The following PMP2 variants were observed in gnomAD, a reference collection of about 807,000 sequenced individuals.
PMP2 encodes the protein myelin P2 protein.
A neutral mutation model predicts 15.9 loss-of-function variants in PMP2; 11 were observed. The observed-to-expected ratio is 0.69, with a 90% confidence interval of 0.44 to 1.14. PMP2 has a LOEUF of 1.14. Ranked by LOEUF, PMP2 falls within the 50% of genes most tolerant of loss-of-function variation. The pLI is 0.00. For missense variants in PMP2, 151 were observed against 154.0 expected (o/e 0.98, Z 0.10); for synonymous variants, 55 against 54.1 (o/e 1.02, Z -0.07).
intron 1 of PMP2, among the ~76,000 whole-genome samples, chr8:81,445,651 G>A (rs1807437060): frequency 6.6e-6 from 1 of 152,138 alleles, no homozygotes; most frequent in Non-Finnish European, 1.5e-5. Flanking sequence ...AATCATTCTA[G>A]AGATTTTAGT....
At chr8:81,444,458 A>G (rs775133521) in intron 3 of PMP2, 42 bp downstream of exon 3, 4 of 1,163,222 alleles carry the variant, frequency 3.4e-6, no homozygotes, top group South Asian at 2.7e-5. Context: ...CAAATTATTT[A>G]TATAGCATTA....
chr8:81,442,695 C>T lies in PMP2; in HGVS notation c.*703G>A, dbSNP rs190229243. ...ATGATAGAAACCAAACCACTACTTG[C>T]TTTTGGTAGGGGTGGAACAGAAAAG... is the stretch of plus-strand genomic sequence containing the variant. On this transcript the variant is annotated 3_prime_UTR_variant, in exon 4 of 4. Coordinates refer to ENST00000256103, the MANE Select transcript of PMP2 (RefSeq NM_002677.5). 6.6e-6 allele frequency: 1 copy of T among 152,068 alleles called. No homozygotes were observed. Among genetic ancestry groups the T allele is most frequent in the African/African-American group, 2.4e-5 (1 of 41,500 alleles). The allele number at this position is 152,068 out of a possible 1,614,324, so 9.4% of individuals were successfully genotyped here.
chr8:81,446,446 T>C (rs914370093), intron 1 of PMP2, among the ~76,000 whole-genome samples: 2 of 152,166 alleles, frequency 1.3e-5, no homozygotes, highest in African/African-American at 4.8e-5. Context: ...CTTTGCTCAT[T>C]TTATCTAAAA....
intron 1 of PMP2, among the ~76,000 whole-genome samples, chr8:81,445,526 G>A (rs372698033): frequency 3.3e-5 from 5 of 152,264 alleles, no homozygotes; most frequent in Non-Finnish European, 1.5e-5. Context: ...CCCGGCCAAT[G>A]TCTGCAGATT....
intron 3 of PMP2, 136 bp from the exon 4 acceptor site, chr8:81,443,584 A>G (rs552471130): frequency 3.5e-5 from 18 of 521,658 alleles, no homozygotes; most frequent in Admixed American, 1.4e-4. Context: ...GTCAGTCTCC[A>G]GTAATTCAGA....
rs536869958 is a variant in PMP2, at chr8:81,441,369, C to T, written c.*2029G>A. 6.6e-6 allele frequency: 1 copy of T among 152,166 alleles called. No individual in the cohort carries two copies. The highest frequency in any genetic ancestry group is 1.9e-4 in the East Asian group (1 of 5,182). The allele number at this position is 152,166 out of a possible 1,614,324, so 9.4% of individuals were successfully genotyped here. ...ATATCCTGCTCCTAAGCGAAATTTC[C>T]CCCTAGCTTTAGCATTGATTGATAA... On this transcript the variant is annotated 3_prime_UTR_variant, in exon 4 of 4. Coordinates refer to ENST00000256103, the MANE Select transcript of PMP2 (RefSeq NM_002677.5).
At chr8:81,445,751 ATG>A (rs1454101144) in intron 1 of PMP2, among the ~76,000 whole-genome samples, 1 of 152,224 alleles carries the variant, frequency 6.6e-6, no homozygotes, top group African/African-American at 2.4e-5. Flanking sequence ...ATACCATATT[ATG>A]GATATAGAGA....
intron 1 of PMP2, among the ~76,000 whole-genome samples, chr8:81,445,513 G>A (rs572637821): frequency 1.1e-3 from 168 of 152,258 alleles, no homozygotes; most frequent in Non-Finnish European, 1.7e-3. Context: ...GTGAGCCACC[G>A]CGCCCGGCCA....
Position 81,442,681 on chromosome 8 carries a change from C to A in PMP2, c.*717G>T, listed in dbSNP as rs1239687595. 6.6e-6 allele frequency: 1 copy of A among 151,976 alleles called. No individual in the cohort carries two copies. Among genetic ancestry groups the A allele is most frequent in the Non-Finnish European group, 1.5e-5 (1 of 67,932 alleles). 9.4% of individuals were successfully genotyped at this position (151,976 alleles called of 1,614,324 possible). A position where few individuals can be genotyped will look rare whatever the true frequency, so the allele number is the denominator to read the frequency against. ...TAAAATTAATCTATATGATAGAAAC[C>A]AAACCACTACTTGCTTTTGGTAGGG... On this transcript the variant is annotated 3_prime_UTR_variant, in exon 4 of 4. Coordinates refer to ENST00000256103, the MANE Select transcript of PMP2 (RefSeq NM_002677.5).
intron 1 of PMP2, 115 bp from the exon 2 acceptor site, chr8:81,445,104 T>G: frequency 2.9e-6 from 2 of 696,698 alleles, no homozygotes; most frequent in Non-Finnish European, 4.8e-6. Context: ...GCAGGTAATA[T>G]CACTTACTAC....
In PMP2 at chr8:81,444,887, T is replaced by C; in HGVS notation, c.176A>G (p.Lys59Arg). The C allele has an allele frequency of 6.2e-7, 1 of 1,613,844 alleles. No homozygotes were observed. Among genetic ancestry groups the C allele is most frequent in the Non-Finnish European group, 8.5e-7 (1 of 1,179,700 alleles). ...TAGCTTGAAGGAGATTTCTGTATTT[T>C]TAAAGGTACTTTCAGTTCGTATAGT... ...IITIRTESTFKNTEISFKLGQ... is the reference protein window; with the variant it reads ...IITIRTESTFRNTEISFKLGQ... The change falls in exon 2 of 4, where the codon AAA (lysine) becomes AGA (arginine). Residue 59 changes from lysine to arginine, a missense_variant. Lys to Arg is a conservative substitution (Grantham distance 26). Transcript: ENST00000256103.
rs969501943 is a variant in PMP2, at chr8:81,442,215, A to G, written c.*1183T>C. On this transcript the variant is annotated 3_prime_UTR_variant, in exon 4 of 4. Transcript: ENST00000256103. ...TTCATATTTGTATATTTGTTTTTCC[A>G]TAGTGAACATCCTGACTCCCATCAA... 3 of 152,266 alleles carry G rather than the reference A, an allele frequency of 2.0e-5. No homozygotes were observed. Among genetic ancestry groups the G allele is most frequent in the South Asian group, 2.1e-4 (1 of 4,816 alleles). The allele number at this position is 152,266 out of a possible 1,614,324, so 9.4% of individuals were successfully genotyped here. A position where few individuals can be genotyped will look rare whatever the true frequency, so the allele number is the denominator to read the frequency against.
rs1441987325 is a variant in PMP2 at position 81,441,584 on chromosome 8, T to C, written c.*1814A>G. On this transcript the variant is annotated 3_prime_UTR_variant, in exon 4 of 4. Transcript: ENST00000256103. The stretch of plus-strand genomic sequence containing the variant: ...TATCTATATATCTATCTATCATCTG[T>C]CAGTCATCTACCTATCTATCGATTA... The C allele has an allele frequency of 6.6e-6, 1 of 152,038 alleles. No homozygotes were observed. The highest frequency in any genetic ancestry group is 1.5e-5 in the Non-Finnish European group (1 of 67,944). 9.4% of individuals were successfully genotyped at this position (152,038 alleles called of 1,614,324 possible).
At chr8:81,445,105 CACTT>C (rs1807425678) in intron 1 of PMP2, 116 bp from the exon 2 acceptor site, 1 of 679,656 alleles carries the variant, frequency 1.5e-6, no homozygotes, top group Non-Finnish European at 2.5e-6. Context: ...CAGGTAATAT[CACTT>C]ACTACTAAGC....
Position 81,444,558 on chromosome 8 carries a change from C to T in PMP2, c.290G>A (p.Arg97Lys). ...TATGGTTGTCTCTTTGCCATCCCAT[C>T]TCTGCACTTGATTCAGTGATCCTCT... ...LQRGSLNQVQ[R>K]WDGKETTIKR... The change falls in exon 3 of 4, where the codon AGA (arginine) becomes AAA (lysine). Residue 97 changes from arginine to lysine, a missense_variant. By Grantham distance (26) the Arg-to-Lys change is conservative. Coordinates refer to ENST00000256103, the MANE Select transcript of PMP2 (RefSeq NM_002677.5). The T allele has an allele frequency of 6.2e-7, 1 of 1,614,124 alleles. No individual in the cohort carries two copies. The highest frequency in any genetic ancestry group is 8.5e-7 in the Non-Finnish European group (1 of 1,179,970).
rs1807338824 is a variant in PMP2, at chr8:81,441,507, A to C, written c.*1891T>G. The C allele has an allele frequency of 6.6e-6, 1 of 150,842 alleles. No homozygotes were observed. The highest frequency in any genetic ancestry group is 6.6e-5 in the Admixed American group (1 of 15,120). The allele number at this position is 150,842 out of a possible 1,614,324, so 9.3% of individuals were successfully genotyped here. ...CCATGACGTTCTATTGCAAAAGAGA[A>C]ACCTTCTCATTTCTCTATCTATCTA... On this transcript the variant is annotated 3_prime_UTR_variant, in exon 4 of 4. Coordinates refer to ENST00000256103, the MANE Select transcript of PMP2 (RefSeq NM_002677.5).
In PMP2 at chr8:81,441,561, T is replaced by G. The variant is rs567700389; in HGVS notation, c.*1837A>C. The G allele has an allele frequency of 3.0e-4, 45 of 149,398 alleles. No individual in the cohort carries two copies. The highest frequency in any genetic ancestry group is 5.9e-4 in the Non-Finnish European group (40 of 67,806). The allele number at this position is 149,398 out of a possible 1,614,324, so 9.3% of individuals were successfully genotyped here. A position where few individuals can be genotyped will look rare whatever the true frequency, so the allele number is the denominator to read the frequency against. On this transcript the variant is annotated 3_prime_UTR_variant, in exon 4 of 4. Coordinates refer to ENST00000256103, the MANE Select transcript of PMP2 (RefSeq NM_002677.5). ...ATCTATCTATCTATCTATCTATCTA[T>G]CTATATATCTATCTATCATCTGTCA...
At position 81,447,333 on chromosome 8, in the gene PMP2, G is replaced by A. The variant is rs778495063; in HGVS notation, c.54C>T (p.Asp18=). ...TWKLVSSENF[D]DYMKALGVGL... ...TCTTACCCAGAGCTTTCATGTAATC[G>A]TCAAAGTTCTCACTAGAGACAAGTT... The change falls in exon 1 of 4, where the codon GAC becomes GAT. Residue 18 remains aspartate, a synonymous_variant. Transcript: ENST00000256103. 33 of 1,613,372 alleles carry A rather than the reference G, an allele frequency of 2.0e-5. No individual in the cohort carries two copies. Among genetic ancestry groups the A allele is most frequent in the South Asian group, 1.4e-4 (13 of 91,072 alleles).
At position 81,447,339 on chromosome 8, in the gene PMP2, G is replaced by A. The variant is rs1439040536; in HGVS notation, c.48C>T (p.Asn16=). 6.2e-7 allele frequency: 1 copy of A among 1,613,756 alleles called. No homozygotes were observed. The highest frequency in any genetic ancestry group is 8.5e-7 in the Non-Finnish European group (1 of 1,179,778). ...LGTWKLVSSE[N]FDDYMKALGV... is the part of the protein sequence containing the mutation. ...CCAGAGCTTTCATGTAATCGTCAAA[G>A]TTCTCACTAGAGACAAGTTTCCAGG... is the stretch of plus-strand genomic sequence containing the variant. Residue 16 remains asparagine, a synonymous_variant, in exon 1 of 4, where the codon AAC becomes AAT. Transcript: ENST00000256103.
Sources: gnomAD v4.1 joint callset for allele counts (sites outside exome capture counted in the v4.1 genomes callset) on GRCh38, gnomAD v4.1.1 for gene constraint, MANE v1.5 for transcripts, NCBI Gene and HGNC (gene_info 2026-07-23, HGNC 2026-07-21) for gene names.